DRC12: variants seen among roughly 807,000 people sequenced by gnomAD.
DRC12 encodes the protein dynein regulatory complex subunit 12 homolog, also known as dynein regulatory complex protein 12.
At chr11:119,195,357 G>A in the DRC12 span, 18 of 1,392,912 alleles carry the variant, frequency 1.3e-5, no homozygotes, top group East Asian at 4.5e-4. Context: ...CTCTCTGGAG[G>A]AGCTCTGCGT....
chr11:119,194,858 G>T, the DRC12 span: 2 of 1,230,576 alleles, frequency 1.6e-6, no homozygotes, highest in Non-Finnish European at 2.3e-6. Context: ...CAATCCCCCA[G>T]GATACAGAAA....
chr11:119,191,213 C>A, the DRC12 span, among the ~76,000 whole-genome samples: 2 of 151,862 alleles, frequency 1.3e-5, no homozygotes, highest in African/African-American at 4.8e-5. Context: ...AATTCTCCTG[C>A]CTCAGCCTCC....
the DRC12 span, chr11:119,193,739 T>C: frequency 6.4e-7 from 1 of 1,550,840 alleles, no homozygotes; most frequent in Non-Finnish European, 8.7e-7. Flanking sequence ...CCCTGTCTCC[T>C]GCCCACCTGC....
At chr11:119,194,542 A>AAAAAAAAAAAAAAAT in the DRC12 span, among the ~76,000 whole-genome samples, 2 of 48,216 alleles carry the variant, frequency 4.1e-5, no homozygotes, top group African/African-American at 1.7e-4. Flanking sequence ...AAAAAAAAAA[A>AAAAAAAAAAAAAAAT]AAATAAATAA....
At chr11:119,192,353 A>G in the DRC12 span, among the ~76,000 whole-genome samples, 1 of 152,248 alleles carries the variant, frequency 6.6e-6, no homozygotes. Flanking sequence ...ATATTTCAAC[A>G]TTATTTTGTA....
the DRC12 span, chr11:119,190,477 C>T: frequency 6.2e-7 from 1 of 1,613,474 alleles, no homozygotes; most frequent in South Asian, 1.1e-5. The surrounding 1 kb of genome is among the most constrained non-coding windows in gnomAD (Gnocchi z 4.2). Flanking sequence ...ATTTCAGACC[C>T]CAGAAAGAGA....
chr11:119,193,884 A>G, the DRC12 span: 1 of 1,551,288 alleles, frequency 6.4e-7, no homozygotes. Context: ...CCCTCCGTAG[A>G]GCTGTGAGCA....
the DRC12 span, chr11:119,190,287 G>C: frequency 1.9e-6 from 3 of 1,614,092 alleles, no homozygotes; most frequent in Non-Finnish European, 2.5e-6. The surrounding 1 kb of genome is among the most constrained non-coding windows in gnomAD (Gnocchi z 4.2). Flanking sequence ...TATTGCTGGG[G>C]CCTCAGAGAA....
chr11:119,190,543 T>TAGAC, the DRC12 span: 883 of 1,576,192 alleles, frequency 5.6e-4, 5 homozygotes, highest in African/African-American at 0.01. The surrounding 1 kb of genome is among the most constrained non-coding windows in gnomAD (Gnocchi z 4.2). Context: ...CCTTGCCCAG[T>TAGAC]AGACATGGTC....
the DRC12 span, chr11:119,195,024 C>T: frequency 6.5e-7 from 1 of 1,528,068 alleles, no homozygotes; most frequent in Non-Finnish European, 8.9e-7. Context: ...AGCCTCAGCT[C>T]TTCATGATCT....
At chr11:119,195,180 T>C in the DRC12 span, 2 of 628,716 alleles carry the variant, frequency 3.2e-6, no homozygotes, top group East Asian at 2.7e-5. Flanking sequence ...ATAACAGATA[T>C]GCAAAATACA....
At chr11:119,193,193 T>C in the DRC12 span, 2 of 1,614,140 alleles carry the variant, frequency 1.2e-6, no homozygotes, top group Non-Finnish European at 1.7e-6. Context: ...TCCAGCTGCT[T>C]GCTGCGGGTT....
the DRC12 span, chr11:119,195,295 A>C: frequency 1.2e-6 from 1 of 827,218 alleles, no homozygotes; most frequent in Non-Finnish European, 1.9e-6. Context: ...CTGTGAGGAC[A>C]TGAAAGAGGT....
At chr11:119,195,418 A>T in the DRC12 span, 1 of 1,550,510 alleles carries the variant, frequency 6.4e-7, no homozygotes, top group Non-Finnish European at 8.7e-7. Flanking sequence ...ACCCACCATG[A>T]CTCACCCCAG....
chr11:119,192,600 G>A, the DRC12 span, among the ~76,000 whole-genome samples: 1 of 152,086 alleles, frequency 6.6e-6, no homozygotes, highest in Non-Finnish European at 1.5e-5. Flanking sequence ...AGTTAGGGCT[G>A]GACTTGAGAG....
At chr11:119,190,857 T>G in the DRC12 span, 1 of 1,607,842 alleles carries the variant, frequency 6.2e-7, no homozygotes, top group South Asian at 1.1e-5. This position sits in a 1 kb window ranked among gnomAD's most constrained non-coding sequence, Gnocchi z 4.2. Context: ...GCAGGCAGGA[T>G]GAAAGAGAGC....
At chr11:119,190,934 C>T in the DRC12 span, 1 of 1,450,066 alleles carries the variant, frequency 6.9e-7, no homozygotes, top group Non-Finnish European at 9.3e-7. The surrounding 1 kb of genome is among the most constrained non-coding windows in gnomAD (Gnocchi z 4.2). Context: ...CTCAAATGGG[C>T]TCGTTCCAGA....
the DRC12 span, chr11:119,190,952 A>C: frequency 2.3e-6 from 3 of 1,290,352 alleles, no homozygotes; most frequent in East Asian, 7.2e-5. This position sits in a 1 kb window ranked among gnomAD's most constrained non-coding sequence, Gnocchi z 4.2. Flanking sequence ...AGACTCCCCC[A>C]GCATCACCAA....
the DRC12 span, chr11:119,190,333 A>AG: frequency 1.2e-4 from 198 of 1,613,800 alleles, no homozygotes; most frequent in Non-Finnish European, 1.6e-4. This position sits in a 1 kb window ranked among gnomAD's most constrained non-coding sequence, Gnocchi z 4.2. Flanking sequence ...TCAAAGATCC[A>AG]GGGGGGGTGA....
Sources: gnomAD v4.1 joint callset for allele counts (sites outside exome capture counted in the v4.1 genomes callset) on GRCh38, gnomAD v4.1.1 for gene constraint, Gnocchi (gnomAD v3.1) non-coding constraint, MANE v1.5 for transcripts, NCBI Gene and HGNC (gene_info 2026-07-23, HGNC 2026-07-21) for gene names.